Variants in FBXL17 observed in about 807,000 individuals in gnomAD.
The protein encoded by FBXL17 is F-box and leucine rich repeat protein 17, also known as F-box/LRR-repeat protein 17.
FBXL17 carries 22 observed loss-of-function variants against 66.2 expected under a neutral mutation model. That is an observed-to-expected ratio of 0.33 (90% CI 0.24 to 0.47). The LOEUF is 0.47. Among genes scored for constraint, FBXL17 ranks in the 20% least tolerant of loss-of-function variants. The pLI is 1.00. For synonymous variants in FBXL17, 474 were observed against 400.5 expected (o/e 1.18, Z -2.19); for missense variants, 878 against 948.2 (o/e 0.93, Z 0.97).
At chr5:108,011,964 T>A (rs926992541) in intron 7 of FBXL17, among the ~76,000 whole-genome samples, 1 of 152,200 alleles carries the variant, frequency 6.6e-6, no homozygotes, top group Non-Finnish European at 1.5e-5. Context: ...ATTATGTATC[T>A]CTAGAAATAT....
intron 7 of FBXL17, among the ~76,000 whole-genome samples, chr5:107,955,610 A>C (rs1751638695): frequency 6.6e-6 from 1 of 152,210 alleles, no homozygotes; most frequent in Non-Finnish European, 1.5e-5. Flanking sequence ...CACTTTAGTA[A>C]GTGTCACCAA....
intron 4 of FBXL17, among the ~76,000 whole-genome samples, chr5:108,332,941 C>CAAAAAAAAA (rs34218940): frequency 1.2e-3 from 41 of 34,728 alleles, no homozygotes; most frequent in South Asian, 2.1e-3. Flanking sequence ...AAAGCAAAAG[C>CAAAAAAAAA]AAAAAAAAAA....
intron 6 of FBXL17, among the ~76,000 whole-genome samples, chr5:108,136,659 A>G (rs1413767692): frequency 6.6e-6 from 1 of 152,184 alleles, no homozygotes; most frequent in Non-Finnish European, 1.5e-5. Flanking sequence ...TCTTCAGAAA[A>G]AAGTTCATAA....
intron 7 of FBXL17, among the ~76,000 whole-genome samples, chr5:107,961,301 T>G (rs1751897226): frequency 6.6e-6 from 1 of 152,094 alleles, no homozygotes; most frequent in African/African-American, 2.4e-5. Context: ...CTTGGCTCAC[T>G]GCAGCCTTGA....
intron 4 of FBXL17, among the ~76,000 whole-genome samples, chr5:108,318,157 G>C (rs919167245): frequency 5.3e-5 from 8 of 151,634 alleles, no homozygotes; most frequent in Non-Finnish European, 1.2e-4. Flanking sequence ...GCACAACAAA[G>C]ATGCCTTGTA....
rs373293773 is a variant in FBXL17, at chr5:108,159,824, G to C, written c.1745+26293C>G. 1.1e-4 allele frequency among the ~76,000 whole-genome samples: 16 copies of C among 152,122 alleles called. No individual in the cohort carries two copies. The South Asian group carries it at 3.3e-3, about 32-fold the overall frequency. ...TTTTCTTAACTTGTACTAAATCCAC[G>C]ATGTCTTTTACGAGCCAAAATCCCC... On this transcript the variant is annotated intron_variant, in intron 6 of 8. Transcript: ENST00000542267.
At chr5:108,188,211 G>C (rs1200982284) in intron 5 of FBXL17, among the ~76,000 whole-genome samples, 1 of 152,150 alleles carries the variant, frequency 6.6e-6, no homozygotes, top group African/African-American at 2.4e-5. Flanking sequence ...TACAGAGAGA[G>C]TTCATAGAGT....
chr5:108,209,552 C>T (rs1285009042), intron 5 of FBXL17, among the ~76,000 whole-genome samples: 2 of 152,138 alleles, frequency 1.3e-5, no homozygotes, highest in Non-Finnish European at 1.5e-5. Flanking sequence ...GCCTTTTCTG[C>T]ATCTATTGAG....
At position 107,963,803 on chromosome 5, in the gene FBXL17, T is replaced by C. The variant is rs187765393; in HGVS notation, c.1822+57122A>G. Among the ~76,000 whole-genome samples, 238 of 152,202 alleles carry C rather than the reference T, an allele frequency of 1.6e-3. 1 individual carries two copies. The highest frequency in any genetic ancestry group is 5.6e-3 in the African/African-American group (231 of 41,540). On this transcript the variant is annotated intron_variant, in intron 7 of 8. Coordinates refer to ENST00000542267, the MANE Select transcript of FBXL17 (RefSeq NM_001163315.3). ...TGCTTCTCTGTGTCAGACTCAAACT[T>C]CAGAGAAACAAATAAACAATTTTAT...
chr5:107,904,615 A>T (rs1749693078), intron 7 of FBXL17, among the ~76,000 whole-genome samples: 1 of 152,178 alleles, frequency 6.6e-6, no homozygotes, highest in South Asian at 2.1e-4. Context: ...AAGCACAGAC[A>T]TCATAAACAC....
At chr5:108,323,929 A>G (rs1478651668) in intron 4 of FBXL17, among the ~76,000 whole-genome samples, 1 of 152,054 alleles carries the variant, frequency 6.6e-6, no homozygotes, top group Non-Finnish European at 1.5e-5. Flanking sequence ...TATGTTAAAA[A>G]TTACCTAAAA....
At chr5:108,281,760 G>A in intron 4 of FBXL17, among the ~76,000 whole-genome samples, 1 of 151,404 alleles carries the variant, frequency 6.6e-6, no homozygotes, top group Non-Finnish European at 1.5e-5. Context: ...TTTTCAAAAA[G>A]ACAAACAAAA....
intron 5 of FBXL17, among the ~76,000 whole-genome samples, chr5:108,219,553 G>T (rs1754759178): frequency 6.6e-6 from 1 of 152,122 alleles, no homozygotes; most frequent in Admixed American, 6.5e-5. Flanking sequence ...CGGGCGTGGT[G>T]GTGGGCGCCT....
At chr5:108,097,493 A>AC (rs1749421612) in intron 6 of FBXL17, among the ~76,000 whole-genome samples, 1 of 152,166 alleles carries the variant, frequency 6.6e-6, no homozygotes, top group Non-Finnish European at 1.5e-5. Flanking sequence ...ATCTCAACTT[A>AC]AAGATTATAC....
chr5:108,150,707 A>AT (rs1198795678), intron 6 of FBXL17, among the ~76,000 whole-genome samples: 2 of 152,172 alleles, frequency 1.3e-5, no homozygotes, highest in Non-Finnish European at 2.9e-5. Flanking sequence ...CAGATTAAAC[A>AT]TTTTTTGGCA....
At chr5:108,193,298 G>A (rs1466306020) in intron 5 of FBXL17, among the ~76,000 whole-genome samples, 2 of 152,094 alleles carry the variant, frequency 1.3e-5, no homozygotes, top group East Asian at 3.9e-4. Context: ...AAGAGAGAAG[G>A]GTCAGAGAAA....
chr5:108,019,653 A>G (rs1754511653), intron 7 of FBXL17, among the ~76,000 whole-genome samples: 1 of 151,032 alleles, frequency 6.6e-6, no homozygotes, highest in South Asian at 2.1e-4. Context: ...ATACACACAT[A>G]CACACACACA....
At chr5:108,249,542 T>C (rs1485946893) in intron 4 of FBXL17, among the ~76,000 whole-genome samples, 3 of 152,152 alleles carry the variant, frequency 2.0e-5, no homozygotes, top group South Asian at 2.1e-4. Context: ...ATTTAACTTA[T>C]TCAAATAGTG....
At chr5:108,263,104 T>C (rs1247835190) in intron 4 of FBXL17, among the ~76,000 whole-genome samples, 5 of 152,156 alleles carry the variant, frequency 3.3e-5, no homozygotes, top group African/African-American at 7.2e-5. Flanking sequence ...AACCAATTAA[T>C]TGAGAATCTT....
Sources: allele counts gnomAD v4.1 joint callset (sites outside exome capture counted in the v4.1 genomes callset), GRCh38; gene constraint gnomAD v4.1.1; transcripts MANE v1.5; gene names NCBI Gene and HGNC (gene_info 2026-07-23, HGNC 2026-07-21).